The following RHPN1 variants were observed in gnomAD, a reference collection of about 807,000 sequenced individuals.
RHPN1 encodes the protein rhophilin-1.
Under a neutral mutation model 74.7 loss-of-function variants are expected in RHPN1, and 77 were observed. The ratio of observed to expected loss-of-function variants is 1.03; its 90% CI spans 0.86 to 1.25. The LOEUF is 1.25. Ranked by LOEUF, RHPN1 falls within the 50% of genes most tolerant of loss-of-function variation. RHPN1 has a pLI of 0.00. For synonymous variants in RHPN1, 444 were observed against 414.5 expected, an observed-to-expected ratio of 1.07 and a Z score of -0.87; for missense variants, 987 against 932.2, an observed-to-expected ratio of 1.06 and a Z score of -0.77.
chr8:143,368,505 C>T (rs114661767), upstream of RHPN1: 5,748 of 152,698 alleles, frequency 0.038, 321 homozygotes, highest in African/African-American at 0.13. Flanking sequence ...CAAAGGGAGC[C>T]GAGGAGCTAG....
Position 143,381,215 on chromosome 8 carries a change from C to G in RHPN1, c.1412-53C>G, listed in dbSNP as rs542439004. 5.3e-6 allele frequency: 8 copies of G among 1,497,018 alleles called. No homozygotes were observed. In the East Asian group the frequency reaches 9.3e-5, roughly 17 times the overall value. 92.7% of individuals were successfully genotyped at this position (1,497,018 alleles called of 1,614,324 possible). A position where few individuals can be genotyped will look rare whatever the true frequency, so the allele number is the denominator to read the frequency against. ...CATGCCCTGCGCCCTGGAAAATCCC[C>G]GAGGCAGGTCTCCACAGTCTCCCAG... On this transcript the variant is annotated intron_variant, in intron 11 of 14. Transcript: ENST00000289013.
intron 1 of RHPN1, among the ~76,000 whole-genome samples, chr8:143,370,417 G>A (rs571688562): frequency 1.0e-3 from 152 of 152,314 alleles, no homozygotes; most frequent in African/African-American, 3.3e-3. Context: ...AGTCTTCCCC[G>A]ATGCCTGCTG....
intron 1 of RHPN1, among the ~76,000 whole-genome samples, chr8:143,372,146 G>T (rs1817866612): frequency 6.6e-6 from 1 of 152,196 alleles, no homozygotes; most frequent in Non-Finnish European, 1.5e-5. Context: ...CTGGCTGGGT[G>T]TCTGATGCCC....
In RHPN1 at chr8:143,379,298, C is replaced by A; in HGVS notation, c.752-17C>A. The A allele has an allele frequency of 1.3e-6, 2 of 1,563,180 alleles. No individual in the cohort carries two copies. Among genetic ancestry groups the A allele is most frequent in the South Asian group, 1.2e-5 (1 of 84,258 alleles). ...AGGTACAGGGCCCTGCCTGTGTGAG[C>A]ACCCCTCCCTCCGCAGGGGCCTTCA... On this transcript the variant is annotated splice_polypyrimidine_tract_variant and intron_variant, in intron 7 of 14. Coordinates refer to ENST00000289013, the MANE Select transcript of RHPN1 (RefSeq NM_052924.3).
At position 143,379,889 on chromosome 8, in the gene RHPN1, G is replaced by C; in HGVS notation, c.1006G>C (p.Val336Leu). The change falls in exon 9 of 15, where the codon GTG becomes CTG. Residue 336 changes from valine (V) to leucine (L), a missense_variant. Val to Leu is a conservative substitution (Grantham distance 32). Transcript: ENST00000289013. ...GGCCCAGCCACCCGTCCACGACTACGTGCCTGTCTCCTGGACTGCCCTGGT... is the reference window on the plus strand; with the variant it reads ...GGCCCAGCCACCCGTCCACGACTACCTGCCTGTCTCCTGGACTGCCCTGGT... ...TMAQPPVHDY[V>L]PVSWTALVHV... is the part of the protein sequence containing the mutation. The C allele has an allele frequency of 6.2e-7, 1 of 1,610,010 alleles. No homozygotes were observed. Among genetic ancestry groups the C allele is most frequent in the Non-Finnish European group, 8.5e-7 (1 of 1,178,646 alleles).
intron 4 of RHPN1, 146 bp downstream of exon 4, chr8:143,377,601 C>G (rs1818368908): frequency 1.6e-6 from 1 of 622,046 alleles, no homozygotes; most frequent in African/African-American, 1.8e-5. Flanking sequence ...ACGCAAGGGA[C>G]CTGGCAGAAA....
Position 143,383,602 on chromosome 8 carries a change from G to A in RHPN1, c.*951G>A, listed in dbSNP as rs1016309249. 4 of 152,460 alleles carry A rather than the reference G, an allele frequency of 2.6e-5. No individual in the cohort carries two copies. Among genetic ancestry groups the A allele is most frequent in the African/African-American group, 9.6e-5 (4 of 41,480 alleles). 9.4% of individuals were successfully genotyped at this position (152,460 alleles called of 1,614,324 possible). Reference sequence around the variant, plus strand: ...CCCTACAGCAGTGGGCTCAGGACTTGGGCACCAAGAGGAGAGGGTGGGAAG... The same window carrying A: ...CCCTACAGCAGTGGGCTCAGGACTTAGGCACCAAGAGGAGAGGGTGGGAAG... On this transcript the variant is annotated 3_prime_UTR_variant, in exon 15 of 15. Coordinates refer to ENST00000289013, the MANE Select transcript of RHPN1 (RefSeq NM_052924.3).
At chr8:143,382,235 A>G (rs1818790101) in intron 14 of RHPN1, among the ~76,000 whole-genome samples, 1 of 152,170 alleles carries the variant, frequency 6.6e-6, no homozygotes. Flanking sequence ...TCCATCCCAG[A>G]GGTTTTCTCT....
chr8:143,374,960 C>T lies in RHPN1; in HGVS notation c.61-593C>T, dbSNP rs150793732. Among the ~76,000 whole-genome samples, 72 of 152,288 alleles carry T rather than the reference C, an allele frequency of 4.7e-4. 2 individuals carry two copies. Among genetic ancestry groups the T allele is most frequent in the African/African-American group, 1.6e-3 (68 of 41,566 alleles). On this transcript the variant is annotated intron_variant, in intron 1 of 14. Coordinates refer to ENST00000289013, the MANE Select transcript of RHPN1 (RefSeq NM_052924.3). ...CATTTCTCTGTGGATAGGGAGGGCA[C>T]GGGTGTGCGTTCGCTTCGAGAACCA... is the stretch of plus-strand genomic sequence containing the variant.
In RHPN1 at chr8:143,382,326, GC is replaced by G. The variant is rs371722540; in HGVS notation, c.1798-105del. 8.1e-4 allele frequency: 769 copies of G among 949,540 alleles called. 8 individuals are homozygous for G. In the East Asian group the frequency reaches 0.013, roughly 16 times the overall value. 58.8% of individuals were successfully genotyped at this position (949,540 alleles called of 1,614,324 possible). A position where few individuals can be genotyped will look rare whatever the true frequency, so the allele number is the denominator to read the frequency against. Reference sequence around the variant, plus strand: ...CACCCTGATGGGAGCCCCCAAACAAGCCCCCGACGTGCCAGCCCCTCCCAGG... The same window carrying G: ...CACCCTGATGGGAGCCCCCAAACAAGCCCCGACGTGCCAGCCCCTCCCAGG... On this transcript the variant is annotated intron_variant, in intron 14 of 14. Coordinates refer to ENST00000289013, the MANE Select transcript of RHPN1 (RefSeq NM_052924.3).
chr8:143,379,161 G>A, intron 7 of RHPN1, 83 bp downstream of exon 7: 1 of 1,412,324 alleles, frequency 7.1e-7, no homozygotes, highest in Middle Eastern at 2.5e-4. Context: ...GAGCTGGGGA[G>A]TGGTTAGGAC....
chr8:143,374,588 G>T (rs951776155), intron 1 of RHPN1, among the ~76,000 whole-genome samples: 1 of 152,116 alleles, frequency 6.6e-6, no homozygotes, highest in Non-Finnish European at 1.5e-5. Flanking sequence ...ACGCCTGGGA[G>T]CCCACCCAGG....
Position 143,376,799 on chromosome 8 carries a change from T to G in RHPN1, c.305+146T>G, listed in dbSNP as rs1818262145. The G allele has an allele frequency of 5.2e-6, 5 of 956,824 alleles. No homozygotes were observed. The Admixed American group carries it at 8.8e-5, about 17-fold the overall frequency. 59.3% of individuals were successfully genotyped at this position (956,824 alleles called of 1,614,324 possible). ...GCGTGTGTGCATGTGTGTGCATGCA[T>G]GTCTGTGCGCGTGTGTCTGTGTGCA... is the stretch of plus-strand genomic sequence containing the variant. On this transcript the variant is annotated intron_variant, in intron 3 of 14. Transcript: ENST00000289013.
intron 1 of RHPN1, among the ~76,000 whole-genome samples, chr8:143,374,854 C>A (rs1180246404): frequency 1.3e-5 from 2 of 152,208 alleles, no homozygotes; most frequent in Non-Finnish European, 2.9e-5. Context: ...GAAGGGGCCC[C>A]GCTGGGCACG....
At chr8:143,380,513 G>T in intron 10 of RHPN1, 76 bp from the exon 11 acceptor site, 1 of 1,333,560 alleles carries the variant, frequency 7.5e-7, no homozygotes, top group Non-Finnish European at 9.9e-7. Context: ...CAGCCCTGGC[G>T]TTGCCCACTC....
upstream of RHPN1, chr8:143,366,502 C>T (rs1817557787): frequency 6.9e-6 from 1 of 144,854 alleles, no homozygotes; most frequent in Admixed American, 6.9e-5. Context: ...AGCACCACCC[C>T]CCTCCAACAC....
At position 143,380,583 on chromosome 8, in the gene RHPN1, G is replaced by A. The variant is rs778683066; in HGVS notation, c.1217-6G>A. On this transcript the variant is annotated splice_region_variant and splice_polypyrimidine_tract_variant and intron_variant, in intron 10 of 14. Coordinates refer to ENST00000289013, the MANE Select transcript of RHPN1 (RefSeq NM_052924.3). Reference sequence around the variant, plus strand: ...GGTGTGTGACATCCCAGTGCCCCGCGTGCAGGCAAGGCACACCTGAAGCGT... The same window carrying A: ...GGTGTGTGACATCCCAGTGCCCCGCATGCAGGCAAGGCACACCTGAAGCGT... 32 of 1,492,332 alleles carry A rather than the reference G, an allele frequency of 2.1e-5. No individual in the cohort carries two copies. The highest frequency in any genetic ancestry group is 2.6e-5 in the Non-Finnish European group (29 of 1,116,496). 92.4% of individuals were successfully genotyped at this position (1,492,332 alleles called of 1,614,324 possible).
rs71520516 is a variant in RHPN1 at position 143,380,836 on chromosome 8, C to T, written c.1411+53C>T. 168 of 1,402,794 alleles carry T rather than the reference C, an allele frequency of 1.2e-4. 1 individual carries two copies. Among genetic ancestry groups the T allele is most frequent in the South Asian group, 1.1e-3 (77 of 69,648 alleles). 86.9% of individuals were successfully genotyped at this position (1,402,794 alleles called of 1,614,324 possible). On this transcript the variant is annotated intron_variant, in intron 11 of 14. Transcript: ENST00000289013. ...CTGCATCCCTGGCCAGGGTGGGGGC[C>T]TTCGTCCTGGAGAAAGGGAGGCTGA...
At chr8:143,370,516 C>T (rs536490960) in intron 1 of RHPN1, among the ~76,000 whole-genome samples, 13 of 152,342 alleles carry the variant, frequency 8.5e-5, no homozygotes, top group South Asian at 2.1e-4. Flanking sequence ...AGGGGTCGGT[C>T]GTTCATCCAC....
Sources: allele counts gnomAD v4.1 joint callset (sites outside exome capture counted in the v4.1 genomes callset), GRCh38; gene constraint gnomAD v4.1.1; transcripts MANE v1.5; gene names NCBI Gene and HGNC (gene_info 2026-07-23, HGNC 2026-07-21).